Variants in CCN4 observed in about 807,000 individuals in gnomAD.
CCN4 encodes cellular communication network factor 4, also known as CCN family member 4.
A neutral mutation model predicts 36.7 loss-of-function variants in CCN4; 30 were observed. The observed-to-expected ratio is 0.82, with a 90% CI of 0.61 to 1.11. The LOEUF (loss-of-function observed/expected upper bound fraction) is 1.11. Among genes scored for constraint, CCN4 ranks in the 50% least tolerant of loss-of-function variants. The pLI is 0.00. For synonymous variants in CCN4, 191 were observed against 195.4 expected, an observed-to-expected ratio of 0.98 and a Z score of 0.19; for missense variants, 505 against 504.9, an observed-to-expected ratio of 1.00 and a Z score of 0.00.
intron 3 of CCN4, among the ~76,000 whole-genome samples, chr8:133,222,382 G>T (rs895896927): frequency 6.6e-6 from 1 of 152,126 alleles, no homozygotes; most frequent in African/African-American, 2.4e-5. Context: ...TGGGCCAAGG[G>T]AGATCTACTC....
chr8:133,225,715 GT>G (rs1302331785), intron 4 of CCN4, 132 bp downstream of exon 4: 2 of 881,520 alleles, frequency 2.3e-6, no homozygotes, highest in African/African-American at 3.4e-5. Context: ...TAGGTCTGGT[GT>G]AACAGCTATT....
In CCN4 at chr8:133,213,059, G is replaced by A; in HGVS notation, c.265G>A (p.Glu89Lys). The A allele has an allele frequency of 6.2e-7, 1 of 1,614,114 alleles. No individual in the cohort carries two copies. Among genetic ancestry groups the A allele is most frequent in the East Asian group, 2.2e-5 (1 of 44,874 alleles). ...TCAGCAGCTTGGGGACAACTGCACGGAGGCTGCCATCTGTGACCCCCACCG... is the reference window on the plus strand; with the variant it reads ...TCAGCAGCTTGGGGACAACTGCACGAAGGCTGCCATCTGTGACCCCCACCG... ...CAQQLGDNCT[E>K]AAICDPHRGL... Residue 89 changes from glutamate to lysine, a missense_variant, in exon 2 of 5, where the codon GAG becomes AAG. Physicochemically the swap from Glu to Lys is moderately conservative, Grantham distance 56. Transcript: ENST00000250160.
intron 1 of CCN4, among the ~76,000 whole-genome samples, chr8:133,198,103 C>T (rs1044804951): frequency 1.3e-5 from 2 of 152,130 alleles, no homozygotes; most frequent in Admixed American, 1.3e-4. Context: ...GGACTTGATC[C>T]CAAAGCTGGC....
intron 2 of CCN4, among the ~76,000 whole-genome samples, chr8:133,215,271 C>A (rs995925694): frequency 1.3e-5 from 2 of 152,166 alleles, no homozygotes; most frequent in African/African-American, 4.8e-5. Flanking sequence ...CCAGGTGATT[C>A]TCATGCATGC....
intron 2 of CCN4, among the ~76,000 whole-genome samples, chr8:133,215,389 A>T (rs1475995301): frequency 6.6e-6 from 1 of 152,244 alleles, no homozygotes; most frequent in Non-Finnish European, 1.5e-5. Flanking sequence ...CTCCAGTTAT[A>T]TGAGCTTGTC....
chr8:133,222,507 T>C (rs551749316), intron 3 of CCN4, among the ~76,000 whole-genome samples: 261 of 151,796 alleles, frequency 1.7e-3, no homozygotes, highest in African/African-American at 6.2e-3. Context: ...TCTGAAGTCA[T>C]CTGCTTGGAG....
At chr8:133,213,188 C>T (rs761179930) in intron 2 of CCN4, 45 bp downstream of exon 2, 3 of 1,562,122 alleles carry the variant, frequency 1.9e-6, no homozygotes, top group East Asian at 2.3e-5. Flanking sequence ...TGAGCACCCC[C>T]AGCTCTGGCC....
chr8:133,206,100 G>A (rs943807856), intron 1 of CCN4, among the ~76,000 whole-genome samples: 2 of 152,138 alleles, frequency 1.3e-5, no homozygotes, highest in Non-Finnish European at 2.9e-5. Flanking sequence ...CCAAACCAGG[G>A]TACTAGAGGC....
intron 2 of CCN4, among the ~76,000 whole-genome samples, chr8:133,215,700 C>T (rs1479804782): frequency 6.6e-6 from 1 of 152,048 alleles, no homozygotes; most frequent in Non-Finnish European, 1.5e-5. Flanking sequence ...ACACCATGGG[C>T]TTCTGTGTAC....
At chr8:133,220,358 A>G (rs1000536171) in intron 2 of CCN4, among the ~76,000 whole-genome samples, 22 of 152,258 alleles carry the variant, frequency 1.4e-4, no homozygotes, top group African/African-American at 5.1e-4. Context: ...CTGAAGCTAT[A>G]AAGGAACTCC....
At chr8:133,194,302 GTGTGGTGTGTGTGTGTATGTGTGTGCC>G (rs1853227971) in intron 1 of CCN4, among the ~76,000 whole-genome samples, 11 of 136,876 alleles carry the variant, frequency 8.0e-5, no homozygotes, top group East Asian at 2.2e-4. Context: ...TGGTGTGTGT[GTGTGGTGTGTGTGTGTATGTGTGTGCC>G]TGTGTGGTGT....
chr8:133,216,325 T>C (rs1012194863), intron 2 of CCN4, among the ~76,000 whole-genome samples: 1 of 152,080 alleles, frequency 6.6e-6, no homozygotes, highest in Non-Finnish European at 1.5e-5. Flanking sequence ...AGGCAGGTAA[T>C]AAAAATGAGC....
chr8:133,221,708 G>T (rs539725005), intron 3 of CCN4, among the ~76,000 whole-genome samples: 1 of 149,512 alleles, frequency 6.7e-6, no homozygotes, highest in East Asian at 2.0e-4. Flanking sequence ...TAGATGAATA[G>T]ACAGATGAAT....
intron 3 of CCN4, among the ~76,000 whole-genome samples, chr8:133,221,478 A>T (rs779606173): frequency 3.8e-4 from 57 of 151,694 alleles, no homozygotes; most frequent in Non-Finnish European, 5.2e-4. Flanking sequence ...ATTGGTGAAG[A>T]GATGGATGGA....
chr8:133,225,387 C>A lies in CCN4; in HGVS notation c.611-3C>A. The A allele has an allele frequency of 6.3e-7, 1 of 1,594,412 alleles. No homozygotes were observed. On this transcript the variant is annotated splice_region_variant and splice_polypyrimidine_tract_variant and intron_variant, in intron 3 of 4. Transcript: ENST00000250160. ...TCATGCAGATTCTGTTCCCCACACA[C>A]AGATGCTGTGGGTGAGGTGGAGGCA...
intron 3 of CCN4, 88 bp from the exon 4 acceptor site, chr8:133,225,302 G>C (rs2130622595): frequency 7.3e-7 from 1 of 1,376,246 alleles, no homozygotes; most frequent in Non-Finnish European, 9.8e-7. Flanking sequence ...TCTGAGTTCT[G>C]GGGACCGCAG....
At chr8:133,219,912 G>A (rs1192879897) in intron 2 of CCN4, among the ~76,000 whole-genome samples, 4 of 152,152 alleles carry the variant, frequency 2.6e-5, no homozygotes, top group Admixed American at 6.5e-5. Flanking sequence ...GTGTGTTTAT[G>A]TAAAATTAAA....
At chr8:133,227,127 C>A (rs1283384087) in intron 4 of CCN4, among the ~76,000 whole-genome samples, 1 of 152,148 alleles carries the variant, frequency 6.6e-6, no homozygotes, top group East Asian at 1.9e-4. Flanking sequence ...TGATGAATGA[C>A]TGGCCATAGG....
At chr8:133,207,505 G>A (rs896747768) in intron 1 of CCN4, among the ~76,000 whole-genome samples, 2 of 152,220 alleles carry the variant, frequency 1.3e-5, no homozygotes, top group Non-Finnish European at 2.9e-5. Flanking sequence ...GCAGTGATCA[G>A]AGGCAGAAGA....
Sources: gnomAD v4.1 joint callset for allele counts (sites outside exome capture counted in the v4.1 genomes callset) on GRCh38, gnomAD v4.1.1 for gene constraint, MANE v1.5 for transcripts, NCBI Gene and HGNC (gene_info 2026-07-23, HGNC 2026-07-21) for gene names.